Variants in SH3GL2 observed in about 807,000 individuals in gnomAD.
SH3GL2 encodes the protein SH3 domain containing GRB2 like 2, endophilin A1, also known as endophilin-A1.
In SH3GL2, 24 loss-of-function variants were observed where a neutral mutation model predicts 46.0. The observed-to-expected ratio is 0.52, with a 90% CI of 0.38 to 0.73. SH3GL2 has a LOEUF of 0.73. Ranked by LOEUF, SH3GL2 falls within the 30% of genes least tolerant of loss-of-function variation. The pLI, the probability that SH3GL2 is intolerant of heterozygous loss-of-function variation, is 0.00. For synonymous variants in SH3GL2, 196 were observed against 147.1 expected (o/e 1.33, Z -2.40); for missense variants, 413 against 424.2 (o/e 0.97, Z 0.23).
intron 3 of SH3GL2, among the ~76,000 whole-genome samples, chr9:17,777,463 A>G (rs1823672871): frequency 6.6e-6 from 1 of 152,114 alleles, no homozygotes; most frequent in African/African-American, 2.4e-5. Flanking sequence ...TCCCAAATTC[A>G]TTTCATTTTC....
chr9:17,734,047 GA>G (rs1210900208), intron 1 of SH3GL2, among the ~76,000 whole-genome samples: 1 of 151,948 alleles, frequency 6.6e-6, no homozygotes, highest in Non-Finnish European at 1.5e-5. Flanking sequence ...GTCCCTTCTA[GA>G]AAATGCACTC....
At chr9:17,673,059 T>G (rs1419053530) in intron 1 of SH3GL2, among the ~76,000 whole-genome samples, 2 of 152,150 alleles carry the variant, frequency 1.3e-5, no homozygotes, top group African/African-American at 4.8e-5. Context: ...CGTGGCTGTT[T>G]GCCATGGTCT....
At chr9:17,754,147 G>T (rs1822924090) in intron 2 of SH3GL2, among the ~76,000 whole-genome samples, 1 of 152,144 alleles carries the variant, frequency 6.6e-6, no homozygotes, top group Non-Finnish European at 1.5e-5. Context: ...GCATAGGATT[G>T]CCTTGGCTAT....
intron 1 of SH3GL2, 71 bp from the exon 2 acceptor site, chr9:17,746,995 G>A: frequency 2.0e-6 from 2 of 1,025,008 alleles, no homozygotes; most frequent in Non-Finnish European, 3.0e-6. Flanking sequence ...TTGTGAAAGT[G>A]CTTAAAATTT....
intron 1 of SH3GL2, among the ~76,000 whole-genome samples, chr9:17,738,499 C>CATACATATATACATATGTTTGTGTAT (rs1822409182): frequency 6.9e-6 from 1 of 145,014 alleles, no homozygotes; most frequent in African/African-American, 2.5e-5. Flanking sequence ...CACACATATA[C>CATACATATATACATATGTTTGTGTAT]ATACATATAT....
chr9:17,639,484 C>G (rs1819621528), intron 1 of SH3GL2, among the ~76,000 whole-genome samples: 1 of 152,196 alleles, frequency 6.6e-6, no homozygotes, highest in Non-Finnish European at 1.5e-5. Context: ...TGCGATACAA[C>G]TGTATACCCA....
chr9:17,646,671 A>G (rs1029275679), intron 1 of SH3GL2, among the ~76,000 whole-genome samples: 16 of 152,134 alleles, frequency 1.1e-4, no homozygotes, highest in Admixed American at 4.6e-4. Context: ...GGGCCACTCC[A>G]GGCCCTGTTT....
At chr9:17,640,888 A>G (rs1335540990) in intron 1 of SH3GL2, among the ~76,000 whole-genome samples, 1 of 152,172 alleles carries the variant, frequency 6.6e-6, no homozygotes, top group Non-Finnish European at 1.5e-5. Flanking sequence ...CATAATAGTT[A>G]ATAGCATAGT....
intron 1 of SH3GL2, among the ~76,000 whole-genome samples, chr9:17,666,625 T>C (rs904368917): frequency 6.6e-6 from 1 of 151,670 alleles, no homozygotes; most frequent in Non-Finnish European, 1.5e-5. Flanking sequence ...GGAAGCATTC[T>C]CATTCATCCT....
chr9:17,651,487 C>G (rs1563798327), intron 1 of SH3GL2, among the ~76,000 whole-genome samples: 1 of 151,940 alleles, frequency 6.6e-6, no homozygotes, highest in East Asian at 1.9e-4. Flanking sequence ...CTGTGTTTGC[C>G]TTTTTTCTGG....
At chr9:17,663,674 C>T (rs1361297825) in intron 1 of SH3GL2, among the ~76,000 whole-genome samples, 1 of 152,180 alleles carries the variant, frequency 6.6e-6, no homozygotes, top group African/African-American at 2.4e-5. Context: ...GATGTCAAGG[C>T]TGGTATAAAT....
At chr9:17,730,819 G>A (rs7870844) in intron 1 of SH3GL2, among the ~76,000 whole-genome samples, 45,062 of 151,746 alleles carry the variant, frequency 0.3, 8,069 homozygotes, top group African/African-American at 0.49. Context: ...GGAAACTATA[G>A]TTCTTTGGGA....
chr9:17,586,257 A>C (rs1818375981), intron 1 of SH3GL2, among the ~76,000 whole-genome samples: 1 of 152,222 alleles, frequency 6.6e-6, no homozygotes, highest in Admixed American at 6.5e-5. Context: ...ATATAGTAGT[A>C]ATGAATATGG....
At chr9:17,678,476 G>A (rs958408706) in intron 1 of SH3GL2, among the ~76,000 whole-genome samples, 7 of 152,090 alleles carry the variant, frequency 4.6e-5, no homozygotes, top group Non-Finnish European at 1.0e-4. Context: ...ACTTTTTGAT[G>A]GGGTTGTTTT....
intron 1 of SH3GL2, among the ~76,000 whole-genome samples, chr9:17,629,058 G>A (rs1340137861): frequency 6.6e-6 from 1 of 151,678 alleles, no homozygotes; most frequent in Non-Finnish European, 1.5e-5. Flanking sequence ...GGCCTTTGAA[G>A]AGGACTTAGA....
intron 1 of SH3GL2, among the ~76,000 whole-genome samples, chr9:17,713,398 C>A (rs1041907513): frequency 6.6e-6 from 1 of 151,116 alleles, no homozygotes; most frequent in East Asian, 2.0e-4. Flanking sequence ...TTTTTTATTT[C>A]ACTGATTTTT....
At chr9:17,659,907 G>A (rs1820173432) in intron 1 of SH3GL2, among the ~76,000 whole-genome samples, 1 of 152,122 alleles carries the variant, frequency 6.6e-6, no homozygotes, top group South Asian at 2.1e-4. Flanking sequence ...ATGACTTTTG[G>A]CTGGAATTTA....
chr9:17,748,325 A>G (rs1375249185), intron 2 of SH3GL2, among the ~76,000 whole-genome samples: 1 of 152,186 alleles, frequency 6.6e-6, no homozygotes, highest in African/African-American at 2.4e-5. Flanking sequence ...AGGATGTTGC[A>G]AACTATGGTA....
chr9:17,685,005 A>T (rs1238020514), intron 1 of SH3GL2, among the ~76,000 whole-genome samples: 2 of 152,118 alleles, frequency 1.3e-5, no homozygotes, highest in Non-Finnish European at 2.9e-5. Flanking sequence ...TTTGTCTGTG[A>T]TGTTTGAGTT....
Sources: allele counts gnomAD v4.1 joint callset (sites outside exome capture counted in the v4.1 genomes callset), GRCh38; gene constraint gnomAD v4.1.1; transcripts MANE v1.5; gene names NCBI Gene and HGNC (gene_info 2026-07-23, HGNC 2026-07-21).